Variants in CACNA2D1 observed in about 807,000 individuals in gnomAD.
The protein encoded by CACNA2D1 is calcium voltage-gated channel auxiliary subunit alpha2delta 1.
In CACNA2D1, 53 loss-of-function variants were observed where a neutral mutation model predicts 171.5. The observed-to-expected ratio is 0.31, with a 90% CI of 0.25 to 0.39. The LOEUF (loss-of-function observed/expected upper bound fraction) is 0.39. CACNA2D1 is among the 10% of genes least tolerant of loss of function. The pLI is 1.00. For missense variants in CACNA2D1, 903 were observed against 1,299.8 expected (o/e 0.69, Z 4.69); for synonymous variants, 442 against 443.1 (o/e 1.00, Z 0.03).
At chr7:82,157,963 C>A (rs1224672360) in intron 4 of CACNA2D1, among the ~76,000 whole-genome samples, 1 of 151,788 alleles carries the variant, frequency 6.6e-6, no homozygotes, top group Non-Finnish European at 1.5e-5. Flanking sequence ...ATTTCTAGAG[C>A]TTAAAAGTCA....
chr7:82,437,986 C>A (rs886744108), intron 1 of CACNA2D1, among the ~76,000 whole-genome samples: 1 of 152,110 alleles, frequency 6.6e-6, no homozygotes, highest in Non-Finnish European at 1.5e-5. Context: ...TTAATAGGTG[C>A]CAACATTTCA....
At chr7:82,222,131 T>A (rs1801840678) in intron 3 of CACNA2D1, among the ~76,000 whole-genome samples, 2 of 152,194 alleles carry the variant, frequency 1.3e-5, no homozygotes, top group African/African-American at 4.8e-5. Context: ...AATACATCTG[T>A]TGCTCACAGA....
At chr7:82,289,991 T>G (rs1811320474) in intron 3 of CACNA2D1, among the ~76,000 whole-genome samples, 1 of 152,244 alleles carries the variant, frequency 6.6e-6, no homozygotes, top group African/African-American at 2.4e-5. Context: ...ACTGTTGTGA[T>G]TTCTGAAGTT....
intron 3 of CACNA2D1, among the ~76,000 whole-genome samples, chr7:82,282,707 G>GGA (rs1563306170): frequency 1.5e-5 from 1 of 67,598 alleles, no homozygotes; most frequent in African/African-American, 5.9e-5. Flanking sequence ...TAAAATGTGG[G>GGA]GGGGGGAATC....
chr7:82,369,978 C>A (rs1412378613), intron 1 of CACNA2D1, among the ~76,000 whole-genome samples: 1 of 151,962 alleles, frequency 6.6e-6, no homozygotes, highest in African/African-American at 2.4e-5. Flanking sequence ...CAATAAATGT[C>A]CCCCAAAATC....
At chr7:82,037,261 C>T (rs1803392990) in intron 11 of CACNA2D1, among the ~76,000 whole-genome samples, 1 of 152,098 alleles carries the variant, frequency 6.6e-6, no homozygotes, top group Non-Finnish European at 1.5e-5. Context: ...GGTGGATCAC[C>T]TGGGGTCAGA....
intron 3 of CACNA2D1, among the ~76,000 whole-genome samples, chr7:82,321,861 T>A (rs888455547): frequency 1.2e-4 from 19 of 152,060 alleles, no homozygotes; most frequent in African/African-American, 4.6e-4. Context: ...GCGCGGTGGC[T>A]CACGCCTGTA....
chr7:81,994,854 G>A lies in CACNA2D1; in HGVS notation c.1734+14C>T. 7.9e-7 allele frequency: 1 copy of A among 1,267,752 alleles called. No individual in the cohort carries two copies. Among genetic ancestry groups the A allele is most frequent in the South Asian group, 1.2e-5 (1 of 83,246 alleles). 78.5% of individuals were successfully genotyped at this position (1,267,752 alleles called of 1,614,324 possible). The stretch of plus-strand genomic sequence containing the variant: ...ATAATTTTTATTTAAGAATAAGCTA[G>A]AATCAATTCTTACCTCATCTTGAGA... On this transcript the variant is annotated intron_variant, in intron 20 of 38. Transcript: ENST00000356860.
chr7:82,400,696 T>C (rs1771310349), intron 1 of CACNA2D1, among the ~76,000 whole-genome samples: 1 of 151,712 alleles, frequency 6.6e-6, no homozygotes, highest in Non-Finnish European at 1.5e-5. Context: ...AAAGACAAAA[T>C]TGACAAATGG....
At chr7:82,413,044 G>A (rs561360844) in intron 1 of CACNA2D1, among the ~76,000 whole-genome samples, 86 of 152,104 alleles carry the variant, frequency 5.7e-4, no homozygotes, top group East Asian at 3.9e-4. Flanking sequence ...AAAAATTAGA[G>A]AAGTACTATT....
chr7:82,204,670 C>T (rs867839004), intron 3 of CACNA2D1, among the ~76,000 whole-genome samples: 1 of 152,112 alleles, frequency 6.6e-6, no homozygotes, highest in Non-Finnish European at 1.5e-5. Context: ...ATGTGTTAAA[C>T]CTGTGTTTCT....
intron 3 of CACNA2D1, among the ~76,000 whole-genome samples, chr7:82,322,509 C>T (rs946637344): frequency 1.3e-5 from 2 of 151,088 alleles, no homozygotes; most frequent in Non-Finnish European, 2.9e-5. Context: ...TGTCTCGCTA[C>T]TCAAGAGGCC....
At chr7:82,081,142 A>G (rs1466110329) in intron 7 of CACNA2D1, among the ~76,000 whole-genome samples, 1 of 152,214 alleles carries the variant, frequency 6.6e-6, no homozygotes, top group African/African-American at 2.4e-5. Context: ...TAGAAGTAAC[A>G]TATGTGCTGT....
At chr7:82,102,627 G>T (rs759313988) in intron 6 of CACNA2D1, among the ~76,000 whole-genome samples, 48 of 152,124 alleles carry the variant, frequency 3.2e-4, no homozygotes, top group Non-Finnish European at 5.7e-4. Flanking sequence ...GGGGCAGTCT[G>T]CAGTATGTTT....
rs35131433 is a variant in CACNA2D1 at position 81,959,300 on chromosome 7, T to G, written c.3134A>C (p.Asp1045Ala). The G allele has an allele frequency of 5.2e-3, 8,371 of 1,610,030 alleles. 38 individuals carry two copies. Among genetic ancestry groups the G allele is most frequent in the Non-Finnish European group, 6.7e-3 (7,890 of 1,176,480 alleles). The change falls in exon 38 of 39, where the codon GAT becomes GCT. Residue 1045 changes from aspartate (D) to alanine (A), a missense_variant. Transcript: ENST00000356860. ...CAAGACATTGTTATCAAAGCAGACA[T>G]CAGGCCCTTTTCGGTATCTGGGTTG... Reference protein sequence around the residue: ...VKQPRYRKGPDVCFDNNVLED... With the variant: ...VKQPRYRKGPAVCFDNNVLED...
intron 10 of CACNA2D1, among the ~76,000 whole-genome samples, chr7:82,053,628 C>G (rs893808406): frequency 1.3e-5 from 2 of 152,078 alleles, no homozygotes; most frequent in Admixed American, 6.6e-5. Context: ...GGAGCTGAAA[C>G]CAGTAATACG....
At chr7:81,978,795 ACAG>A (rs1334962165) in intron 24 of CACNA2D1, among the ~76,000 whole-genome samples, 5 of 106,924 alleles carry the variant, frequency 4.7e-5, no homozygotes, top group Non-Finnish European at 7.7e-5. Flanking sequence ...ACTGTTCAAA[ACAG>A]CACATATATA....
At chr7:82,008,368 G>A (rs2130890849) in intron 15 of CACNA2D1, among the ~76,000 whole-genome samples, 1 of 152,130 alleles carries the variant, frequency 6.6e-6, no homozygotes, top group East Asian at 1.9e-4. Context: ...TTTTTGACAA[G>A]TAAAATTATG....
chr7:82,203,740 C>T (rs74876425), intron 3 of CACNA2D1, among the ~76,000 whole-genome samples: 4,887 of 152,286 alleles, frequency 0.032, 240 homozygotes, highest in African/African-American at 0.11. Flanking sequence ...TGGAAAGGAG[C>T]TGAGCTCCAT....
Sources: gnomAD v4.1 joint callset for allele counts (sites outside exome capture counted in the v4.1 genomes callset) on GRCh38, gnomAD v4.1.1 for gene constraint, MANE v1.5 for transcripts, NCBI Gene and HGNC (gene_info 2026-07-23, HGNC 2026-07-21) for gene names.